Variants in ADGRL3 observed in about 807,000 individuals in gnomAD.
ADGRL3 encodes calcium-independent alpha-latrotoxin receptor 3.
A neutral mutation model predicts 153.5 loss-of-function variants in ADGRL3; 62 were observed. The observed-to-expected ratio is 0.40, with a 90% confidence interval of 0.33 to 0.50. The LOEUF (loss-of-function observed/expected upper bound fraction) is 0.50. Ranked by LOEUF, ADGRL3 falls within the 20% of genes least tolerant of loss-of-function variation. The pLI is 0.47. For missense variants in ADGRL3, 1,641 were observed against 1,859.4 expected (o/e 0.88, Z 2.16); for synonymous variants, 710 against 672.5 (o/e 1.06, Z -0.86).
intron 2 of ADGRL3, among the ~76,000 whole-genome samples, chr4:61,480,840 A>G (rs1389392230): frequency 1.3e-5 from 2 of 152,092 alleles, no homozygotes; most frequent in East Asian, 3.9e-4. Flanking sequence ...AAAGGACCTA[A>G]GTAGATATTT....
intron 1 of ADGRL3, among the ~76,000 whole-genome samples, chr4:61,257,093 C>A (rs1475174635): frequency 6.6e-6 from 1 of 152,066 alleles, no homozygotes; most frequent in African/African-American, 2.4e-5. Context: ...AAATCTTGCC[C>A]ATAGTTCTTA....
chr4:61,357,130 G>T (rs1284484734), intron 1 of ADGRL3, among the ~76,000 whole-genome samples: 1 of 151,740 alleles, frequency 6.6e-6, no homozygotes, highest in Non-Finnish European at 1.5e-5. Flanking sequence ...ATATCTATCT[G>T]GGGAAAGTAA....
intron 18 of ADGRL3, 98 bp from the exon 19 acceptor site, chr4:61,983,285 G>A (rs984244483): frequency 1.2e-6 from 1 of 820,836 alleles, no homozygotes; most frequent in Admixed American, 2.4e-5. Context: ...CAGATCTATT[G>A]TAATGCAGTT....
chr4:62,031,005 G>T (rs1263666609), intron 22 of ADGRL3, among the ~76,000 whole-genome samples: 1 of 151,506 alleles, frequency 6.6e-6, no homozygotes, highest in Non-Finnish European at 1.5e-5. Context: ...TGTGGAAAAA[G>T]AGGACATTTT....
intron 2 of ADGRL3, among the ~76,000 whole-genome samples, chr4:61,454,477 T>C (rs761593801): frequency 6.6e-6 from 1 of 152,144 alleles, no homozygotes. Context: ...TAAGACTTTT[T>C]TGGTGAGAAG....
At chr4:61,743,345 A>G (rs1385613850) in intron 8 of ADGRL3, among the ~76,000 whole-genome samples, 1 of 150,156 alleles carries the variant, frequency 6.7e-6, no homozygotes, top group Non-Finnish European at 1.5e-5. Context: ...AAAAAAAAAA[A>G]AGAAAAGAGA....
chr4:61,873,636 T>C (rs1409844014), intron 9 of ADGRL3, among the ~76,000 whole-genome samples: 1 of 152,158 alleles, frequency 6.6e-6, no homozygotes, highest in East Asian at 1.9e-4. Flanking sequence ...CATTTCATGT[T>C]TAGATTATTA....
intron 5 of ADGRL3, among the ~76,000 whole-genome samples, chr4:61,596,467 G>A (rs577395241): frequency 6.6e-6 from 1 of 152,236 alleles, no homozygotes; most frequent in Non-Finnish European, 1.5e-5. Flanking sequence ...ATATACTTAA[G>A]TTTATTATTG....
At chr4:61,505,792 A>C (rs150661418) in intron 3 of ADGRL3, among the ~76,000 whole-genome samples, 13 of 150,836 alleles carry the variant, frequency 8.6e-5, no homozygotes, top group Admixed American at 2.0e-4. Context: ...ATTATATATT[A>C]GTGTCCTCTG....
intron 2 of ADGRL3, among the ~76,000 whole-genome samples, chr4:61,442,164 G>A (rs1419416980): frequency 6.6e-6 from 1 of 152,146 alleles, no homozygotes; most frequent in Non-Finnish European, 1.5e-5. Flanking sequence ...GTTAGTTCAA[G>A]TAAAATATTT....
intron 6 of ADGRL3, among the ~76,000 whole-genome samples, chr4:61,713,785 T>A (rs1018964807): frequency 6.6e-6 from 1 of 152,160 alleles, no homozygotes; most frequent in Non-Finnish European, 1.5e-5. Flanking sequence ...TATCTAAACA[T>A]ATTTTCTCTC....
At chr4:61,830,232 T>A (rs1476578715) in intron 9 of ADGRL3, among the ~76,000 whole-genome samples, 1 of 151,944 alleles carries the variant, frequency 6.6e-6, no homozygotes, top group Admixed American at 6.6e-5. Context: ...TCTACAAAAA[T>A]TTCTTTAAAA....
chr4:61,895,456 A>G (rs1197223464), intron 10 of ADGRL3, among the ~76,000 whole-genome samples: 1 of 122,850 alleles, frequency 8.1e-6, no homozygotes, highest in Non-Finnish European at 1.7e-5. Context: ...ACAGAACAAG[A>G]CTCCATCTCA....
chr4:61,990,636 G>T (rs2099100455), intron 19 of ADGRL3, among the ~76,000 whole-genome samples: 1 of 151,862 alleles, frequency 6.6e-6, no homozygotes, highest in African/African-American at 2.4e-5. Flanking sequence ...TATTTAGAAA[G>T]ATCTGATATT....
chr4:61,622,924 A>G (rs1055416676), intron 5 of ADGRL3, among the ~76,000 whole-genome samples: 31 of 152,166 alleles, frequency 2.0e-4, no homozygotes, highest in Non-Finnish European at 1.6e-4. Context: ...CCTTTTCAGG[A>G]AAAATTAAGC....
chr4:62,057,031 TAA>T (rs1737398355), intron 25 of ADGRL3, among the ~76,000 whole-genome samples: 1 of 152,074 alleles, frequency 6.6e-6, no homozygotes, highest in Non-Finnish European at 1.5e-5. Context: ...TTAAAAAAAA[TAA>T]AGTCTGAGGG....
chr4:61,791,016 A>G (rs931459883), intron 8 of ADGRL3, among the ~76,000 whole-genome samples: 1 of 152,178 alleles, frequency 6.6e-6, no homozygotes, highest in Admixed American at 6.5e-5. Context: ...GGGAGTTACA[A>G]TTCAAGATGA....
chr4:61,968,323 C>T (rs187256287), intron 17 of ADGRL3, among the ~76,000 whole-genome samples: 5 of 151,882 alleles, frequency 3.3e-5, no homozygotes, highest in Admixed American at 1.3e-4. Flanking sequence ...CACAGAACTT[C>T]AAACAACTCA....
chr4:61,400,646 A>G (rs2096919022), intron 2 of ADGRL3, among the ~76,000 whole-genome samples: 1 of 151,756 alleles, frequency 6.6e-6, no homozygotes, highest in Non-Finnish European at 1.5e-5. Context: ...AAAACTATCA[A>G]TGTTACTTTG....
Sources: gnomAD v4.1 joint callset for allele counts (sites outside exome capture counted in the v4.1 genomes callset) on GRCh38, gnomAD v4.1.1 for gene constraint, MANE v1.5 for transcripts, NCBI Gene and HGNC (gene_info 2026-07-23, HGNC 2026-07-21) for gene names.